DGKB: variants seen among roughly 807,000 people sequenced by gnomAD.
The protein encoded by DGKB is diacylglycerol kinase beta, also known as 90 kDa diacylglycerol kinase.
DGKB carries 67 observed loss-of-function variants against 114.3 expected under a neutral mutation model. The ratio of observed to expected loss-of-function variants is 0.59; its 90% CI spans 0.48 to 0.72. DGKB has a LOEUF of 0.72. Ranked by LOEUF, DGKB falls within the 30% of genes least tolerant of loss-of-function variation. The probability of loss-of-function intolerance (pLI) is 0.00; values close to 1 mark genes in which losing one functional copy is unlikely to be tolerated. For synonymous variants in DGKB, 398 were observed against 323.1 expected, an observed-to-expected ratio of 1.23 and a Z score of -2.49; for missense variants, 907 against 975.2, an observed-to-expected ratio of 0.93 and a Z score of 0.93.
intron 23 of DGKB, among the ~76,000 whole-genome samples, chr7:14,227,022 G>T (rs957075371): frequency 6.6e-6 from 1 of 151,958 alleles, no homozygotes; most frequent in Non-Finnish European, 1.5e-5. Flanking sequence ...ACAGGTGCCC[G>T]CACCGCACCA....
chr7:14,645,226 T>G (rs1812702012), intron 13 of DGKB, among the ~76,000 whole-genome samples: 1 of 152,188 alleles, frequency 6.6e-6, no homozygotes, highest in Admixed American at 6.5e-5. Flanking sequence ...CCGAGAGCTT[T>G]CCTTCAGTGA....
intron 2 of DGKB, among the ~76,000 whole-genome samples, chr7:14,832,767 C>G (rs1012076380): frequency 2.0e-5 from 3 of 152,062 alleles, no homozygotes; most frequent in Non-Finnish European, 4.4e-5. Context: ...CTCCATCCTT[C>G]TCTCCTTGCT....
chr7:14,526,652 T>G (rs575755046), intron 20 of DGKB, among the ~76,000 whole-genome samples: 51 of 152,296 alleles, frequency 3.3e-4, no homozygotes, highest in African/African-American at 1.1e-3. Context: ...CATAGTGAAC[T>G]GATATTTAAA....
At chr7:14,816,186 T>G (rs1844122212) in intron 2 of DGKB, among the ~76,000 whole-genome samples, 1 of 151,822 alleles carries the variant, frequency 6.6e-6, no homozygotes, top group Non-Finnish European at 1.5e-5. Context: ...ATACAAAAAT[T>G]AGCTGGACAT....
chr7:14,729,191 CG>C (rs1830500022), intron 5 of DGKB, among the ~76,000 whole-genome samples: 1 of 140,962 alleles, frequency 7.1e-6, no homozygotes, highest in Admixed American at 7.3e-5. Context: ...GGCGCCATCT[CG>C]GCTCACTGCA....
chr7:14,466,962 C>G (rs1433261205), intron 21 of DGKB, among the ~76,000 whole-genome samples: 1 of 152,064 alleles, frequency 6.6e-6, no homozygotes, highest in African/African-American at 2.4e-5. Flanking sequence ...CTGTGCTTGT[C>G]AAAGCACATT....
intron 23 of DGKB, chr7:14,268,899 C>G (rs865805050): frequency 6.6e-6 from 1 of 152,056 alleles, no homozygotes; most frequent in African/African-American, 2.4e-5. Context: ...AATAAGTTAC[C>G]TTTTTGTTTA....
intron 20 of DGKB, among the ~76,000 whole-genome samples, chr7:14,479,392 T>A (rs1371260500): frequency 6.6e-6 from 1 of 151,646 alleles, no homozygotes; most frequent in African/African-American, 2.4e-5. Context: ...CTAACTGTAA[T>A]TTTTTTTCTG....
intron 20 of DGKB, among the ~76,000 whole-genome samples, chr7:14,517,663 A>G (rs893594595): frequency 1.3e-5 from 2 of 152,160 alleles, no homozygotes; most frequent in South Asian, 4.1e-4. Flanking sequence ...ACATGAATGG[A>G]CACTGCAAAA....
chr7:14,667,285 G>A (rs147399843), intron 13 of DGKB, among the ~76,000 whole-genome samples: 1 of 151,934 alleles, frequency 6.6e-6, no homozygotes, highest in Non-Finnish European at 1.5e-5. Context: ...TATGGATCTT[G>A]ACCTTGTGGT....
chr7:14,330,848 A>G (rs1178593013), intron 23 of DGKB, among the ~76,000 whole-genome samples: 1 of 152,010 alleles, frequency 6.6e-6, no homozygotes, highest in African/African-American at 2.4e-5. Flanking sequence ...GCTTCTCGAT[A>G]ATGCATGTGC....
At chr7:14,488,321 T>A (rs1231400582) in intron 20 of DGKB, among the ~76,000 whole-genome samples, 1 of 152,168 alleles carries the variant, frequency 6.6e-6, no homozygotes, top group African/African-American at 2.4e-5. Flanking sequence ...ACGTCTGTAA[T>A]GGTCTTTTCA....
At chr7:14,811,230 T>G (rs1843393143) in intron 2 of DGKB, among the ~76,000 whole-genome samples, 1 of 152,160 alleles carries the variant, frequency 6.6e-6, no homozygotes, top group African/African-American at 2.4e-5. Flanking sequence ...ATTTTAGAGA[T>G]GTAGTCTTGC....
At chr7:14,769,113 GAAAGAA>G (rs1388249430) in intron 2 of DGKB, among the ~76,000 whole-genome samples, 2 of 114,300 alleles carry the variant, frequency 1.7e-5, no homozygotes, top group Non-Finnish European at 3.4e-5. Flanking sequence ...AAGAAAGAAA[GAAAGAA>G]AGAAAGAGAG....
chr7:14,724,819 T>C (rs1209813870), intron 5 of DGKB, among the ~76,000 whole-genome samples: 2 of 152,180 alleles, frequency 1.3e-5, no homozygotes, highest in African/African-American at 4.8e-5. Flanking sequence ...TTCCAAACTT[T>C]GGACTCTTTT....
At chr7:14,962,137 A>G (rs1243137071) in intron 1 of DGKB, among the ~76,000 whole-genome samples, 3 of 152,156 alleles carry the variant, frequency 2.0e-5, no homozygotes, top group Non-Finnish European at 4.4e-5. Flanking sequence ...CTCAATCATC[A>G]GTTTAATTCA....
intron 3 of DGKB, 85 bp downstream of exon 3, chr7:14,757,570 A>G: frequency 1.3e-6 from 1 of 763,222 alleles, no homozygotes; most frequent in Admixed American, 2.3e-5. Flanking sequence ...ACACACACAC[A>G]TACATTTTTC....
intron 25 of DGKB, among the ~76,000 whole-genome samples, chr7:14,158,838 C>T (rs1360085151): frequency 6.6e-6 from 1 of 152,116 alleles, no homozygotes; most frequent in Non-Finnish European, 1.5e-5. Context: ...TCCAGAAACC[C>T]AGATCATCCT....
At chr7:14,800,959 T>C (rs1842071999) in intron 2 of DGKB, among the ~76,000 whole-genome samples, 1 of 152,036 alleles carries the variant, frequency 6.6e-6, no homozygotes, top group Non-Finnish European at 1.5e-5. Context: ...ACAGCATGAG[T>C]AGCAGAAGAA....
Sources: gnomAD v4.1 joint callset for allele counts (sites outside exome capture counted in the v4.1 genomes callset) on GRCh38, gnomAD v4.1.1 for gene constraint, MANE v1.5 for transcripts, NCBI Gene and HGNC (gene_info 2026-07-23, HGNC 2026-07-21) for gene names.